The following PHEX variants were observed in gnomAD, a reference collection of about 807,000 sequenced individuals.
The protein encoded by PHEX is phosphate regulating endopeptidase X-linked, also known as phosphate-regulating neutral endopeptidase PHEX.
A neutral mutation model predicts 68.0 loss-of-function variants in PHEX; 16 were observed. The observed-to-expected ratio is 0.24, with a 90% CI of 0.16 to 0.36. PHEX has a LOEUF of 0.36. PHEX is among the 10% of genes least tolerant of loss of function. The pLI is 1.00. For missense variants in PHEX, 480 were observed against 575.5 expected, an observed-to-expected ratio of 0.83 and a Z score of 1.70; for synonymous variants, 208 against 205.1, an observed-to-expected ratio of 1.01 and a Z score of -0.12.
chrX:22,228,947 G>T (rs1319297040), intron 20 of PHEX, among the ~76,000 whole-genome samples: 1 of 111,164 alleles, frequency 9.0e-6, no homozygotes, highest in Non-Finnish European at 1.9e-5. Flanking sequence ...TGTTTTCATT[G>T]TTCGACTCCC....
At chrX:22,199,853 A>G (rs1006492949) in intron 15 of PHEX, among the ~76,000 whole-genome samples, 4 of 112,065 alleles carry the variant, frequency 3.6e-5, no homozygotes, top group African/African-American at 1.3e-4. Context: ...GAAGTTGTGG[A>G]GGAAAAAGAA....
chrX:22,169,306 G>A (rs927520612), intron 13 of PHEX, among the ~76,000 whole-genome samples: 2 of 111,938 alleles, frequency 1.8e-5, no homozygotes, highest in African/African-American at 6.5e-5. Flanking sequence ...AGTTGCTCTG[G>A]AAGAAAATAA....
intron 14 of PHEX, among the ~76,000 whole-genome samples, chrX:22,184,447 A>T (rs1472978116): frequency 1.8e-5 from 2 of 111,621 alleles, no homozygotes; most frequent in African/African-American, 6.5e-5. Context: ...AAGCCCTGAA[A>T]TAACGTTTTG....
chrX:22,104,707 A>G (rs1930597860), intron 9 of PHEX, among the ~76,000 whole-genome samples: 1 of 110,828 alleles, frequency 9.0e-6, no homozygotes. Flanking sequence ...CTCACTCCTG[A>G]CTCGAGGCTG....
intron 20 of PHEX, among the ~76,000 whole-genome samples, chrX:22,239,612 G>A (rs984716129): frequency 7.3e-5 from 8 of 110,143 alleles, no homozygotes; most frequent in African/African-American, 2.3e-4. Flanking sequence ...ATCAATAGCC[G>A]AACTGATCAA....
chrX:22,218,712 T>C (rs1388912377), intron 16 of PHEX, among the ~76,000 whole-genome samples: 2 of 112,180 alleles, frequency 1.8e-5, no homozygotes, highest in Non-Finnish European at 3.8e-5. Flanking sequence ...TATATAGCTA[T>C]AGCAGATAAA....
chrX:22,144,797 A>G (rs1932615799), intron 12 of PHEX, among the ~76,000 whole-genome samples: 1 of 110,032 alleles, frequency 9.1e-6, no homozygotes, highest in Admixed American at 9.7e-5. Flanking sequence ...TGAGGTCTGC[A>G]TATTGCAGTC....
intron 12 of PHEX, among the ~76,000 whole-genome samples, chrX:22,155,397 C>T (rs1473036292): frequency 8.9e-6 from 1 of 112,192 alleles, no homozygotes; most frequent in Non-Finnish European, 1.9e-5. Flanking sequence ...ATATGTTTAT[C>T]TAGGTTAATC....
In PHEX at chrX:22,232,596, C is replaced by CTTTTTTTTTTTTTTTTTTTTTTTTTTTTT. The variant is rs745474280; in HGVS notation, c.2070+4987_2070+5015dup. Among the ~76,000 whole-genome samples the CTTTTTTTTTTTTTTTTTTTTTTTTTTTTT allele has an allele frequency of 2.2e-4, 4 of 18,549 alleles. 2 individuals carry two copies. Among genetic ancestry groups the CTTTTTTTTTTTTTTTTTTTTTTTTTTTTT allele is most frequent in the African/African-American group, 7.5e-4 (4 of 5,358 alleles). The allele number at this position is 18,549 out of a possible 115,157, so 16.1% of individuals were successfully genotyped here. On this transcript the variant is annotated intron_variant, in intron 20 of 21. Coordinates refer to ENST00000379374, the MANE Select transcript of PHEX (RefSeq NM_000444.6). The stretch of plus-strand genomic sequence containing the variant: ...TCAGAGATTAGGATTGCCACTTCTG[C>CTTTTTTTTTTTTTTTTTTTTTTTTTTTTT]TTTTTTTTTTTTTTTTTTTTTTTTT...
At chrX:22,246,330 T>A (rs1936391186) in intron 21 of PHEX, among the ~76,000 whole-genome samples, 1 of 112,187 alleles carries the variant, frequency 8.9e-6, no homozygotes, top group Non-Finnish European at 1.9e-5. Context: ...GATATCTTTA[T>A]ATTTAATGTT....
chrX:22,078,935 A>G (rs1256619420), intron 5 of PHEX, among the ~76,000 whole-genome samples: 1 of 112,232 alleles, frequency 8.9e-6, no homozygotes, highest in African/African-American at 3.2e-5. Context: ...GAAATGAGCC[A>G]TCTTCTAATG....
intron 12 of PHEX, among the ~76,000 whole-genome samples, chrX:22,136,257 C>T (rs1046517006): frequency 9.0e-6 from 1 of 111,406 alleles, no homozygotes; most frequent in Non-Finnish European, 1.9e-5. Flanking sequence ...AAAGGAGAGA[C>T]TTTGCCTAAT....
At chrX:22,201,027 C>T (rs1934534221) in intron 15 of PHEX, among the ~76,000 whole-genome samples, 1 of 111,861 alleles carries the variant, frequency 8.9e-6, no homozygotes, top group African/African-American at 3.3e-5. Flanking sequence ...TTTAGATATA[C>T]TCCCCCAAAA....
intron 12 of PHEX, among the ~76,000 whole-genome samples, chrX:22,142,853 A>G (rs73462650): frequency 0.051 from 5,718 of 112,396 alleles, 349 homozygotes; most frequent in African/African-American, 0.17. Context: ...TTAATTTACC[A>G]ATGTATTGTT....
intron 3 of PHEX, among the ~76,000 whole-genome samples, chrX:22,050,593 A>C (rs887811244): frequency 1.1e-4 from 12 of 108,827 alleles, no homozygotes; most frequent in African/African-American, 3.7e-4. Flanking sequence ...AAAAAAAAAA[A>C]CAGAACGGTG....
chrX:22,045,761 A>G (rs1602250905), intron 2 of PHEX, among the ~76,000 whole-genome samples: 1 of 111,811 alleles, frequency 8.9e-6, no homozygotes, highest in Non-Finnish European at 1.9e-5. Context: ...TGTGGAGCCA[A>G]GTAGGCAGCC....
chrX:22,054,516 C>A (rs760247567), intron 3 of PHEX, among the ~76,000 whole-genome samples: 1 of 111,657 alleles, frequency 9.0e-6, no homozygotes. Context: ...GACCAAGCAT[C>A]CATTGTGGTG....
At position 22,072,501 on chromosome X, in the gene PHEX, C is replaced by A. The variant is rs999621577; in HGVS notation, c.350-3887C>A. On this transcript the variant is annotated intron_variant, in intron 3 of 21. Transcript: ENST00000379374. ...TTGAACGGGACACTAAATATGGTAA[C>A]CATGGAGGAGAAAAATGGAGAAGCT... Among the ~76,000 whole-genome samples the A allele has an allele frequency of 4.5e-5, 5 of 111,594 alleles. No homozygotes were observed. The Admixed American group carries it at 4.8e-4, about 11-fold the overall frequency.
chrX:22,133,000 C>G (rs1400666158), intron 11 of PHEX, among the ~76,000 whole-genome samples: 1 of 111,018 alleles, frequency 9.0e-6, no homozygotes, highest in African/African-American at 3.3e-5. Context: ...AATCCTCTCA[C>G]TTCAGCCTCC....
Sources: gnomAD v4.1 joint callset for allele counts (sites outside exome capture counted in the v4.1 genomes callset) on GRCh38, gnomAD v4.1.1 for gene constraint, MANE v1.5 for transcripts, NCBI Gene and HGNC (gene_info 2026-07-23, HGNC 2026-07-21) for gene names.